The following SLC7A9 variants were observed in gnomAD, a reference collection of about 807,000 sequenced individuals.
SLC7A9 encodes the protein B(0,+)-type amino acid transporter 1.
A neutral mutation model predicts 54.1 loss-of-function variants in SLC7A9; 38 were observed. The observed-to-expected ratio is 0.70, with a 90% CI of 0.54 to 0.92. SLC7A9 has a LOEUF of 0.92. SLC7A9 is among the 40% of genes least tolerant of loss of function. The pLI is 0.00. For synonymous variants in SLC7A9, 264 were observed against 258.9 expected, an observed-to-expected ratio of 1.02 and a Z score of -0.19; for missense variants, 537 against 636.1, an observed-to-expected ratio of 0.84 and a Z score of 1.68.
chr19:32,865,714 T>TA, intron 2 of SLC7A9, among the ~76,000 whole-genome samples: 1 of 152,120 alleles, frequency 6.6e-6, no homozygotes, highest in Non-Finnish European at 1.5e-5. Context: ...TTTATGCCTG[T>TA]AATCCCAGCA....
At chr19:32,866,601 GAC>G (rs1412614275) in intron 2 of SLC7A9, among the ~76,000 whole-genome samples, 2 of 152,186 alleles carry the variant, frequency 1.3e-5, no homozygotes, top group Non-Finnish European at 2.9e-5. Context: ...CAGCTCAGAA[GAC>G]ACATCTTGGG....
At chr19:32,838,242 C>T (rs980978107) in intron 11 of SLC7A9, among the ~76,000 whole-genome samples, 10 of 151,998 alleles carry the variant, frequency 6.6e-5, no homozygotes, top group African/African-American at 2.4e-4. Flanking sequence ...TTTTGTTTCC[C>T]TCCTTTGTTT....
chr19:32,832,748 C>A, intron 12 of SLC7A9: 1 of 232,218 alleles, frequency 4.3e-6, no homozygotes, highest in South Asian at 6.4e-5. Context: ...TCCTTCTCTA[C>A]AAAAAGTAAA....
rs141527750 is a variant in SLC7A9 at position 32,867,981 on chromosome 19, C to G, written c.87+467G>C. Among the ~76,000 whole-genome samples the G allele has an allele frequency of 3.7e-3, 523 of 140,856 alleles. 6 individuals are homozygous for G. The highest frequency in any genetic ancestry group is 0.014 in the Middle Eastern group (3 of 210). 92.4% of individuals were successfully genotyped at this position (140,856 alleles called of 152,430 possible). A position where few individuals can be genotyped will look rare whatever the true frequency, so the allele number is the denominator to read the frequency against. Reference sequence around the variant, plus strand: ...ATATGCAGCCGAGTGCAGTGGCACACGCCTGTAATCCCAGCACTTTGGGAG... The same window carrying G: ...ATATGCAGCCGAGTGCAGTGGCACAGGCCTGTAATCCCAGCACTTTGGGAG... On this transcript the variant is annotated intron_variant, in intron 2 of 12. Coordinates refer to ENST00000023064, the MANE Select transcript of SLC7A9 (RefSeq NM_014270.5).
In SLC7A9 at chr19:32,864,085, C is replaced by T. The variant is rs758702412; in HGVS notation, c.478+11G>A. On this transcript the variant is annotated intron_variant, in intron 4 of 12. Transcript: ENST00000023064. ...TCTTTTCTGACCCCTGCCCTGGGCTCAGGTACTCACAGATGGCGGCGGCGG... is the reference window on the plus strand; with the variant it reads ...TCTTTTCTGACCCCTGCCCTGGGCTTAGGTACTCACAGATGGCGGCGGCGG... The T allele has an allele frequency of 5.6e-6, 9 of 1,613,820 alleles. No homozygotes were observed. The highest frequency in any genetic ancestry group is 1.3e-5 in the African/African-American group (1 of 74,934).
chr19:32,869,214 TTC>T lies in SLC7A9; in HGVS notation c.-112+470_-112+471del, dbSNP rs369323407. 1.4e-3 allele frequency among the ~76,000 whole-genome samples: 212 copies of T among 151,982 alleles called. 1 individual carries two copies. Among genetic ancestry groups the T allele is most frequent in the African/African-American group, 3.9e-3 (161 of 41,472 alleles). On this transcript the variant is annotated intron_variant, in intron 1 of 12. Coordinates refer to ENST00000023064, the MANE Select transcript of SLC7A9 (RefSeq NM_014270.5). The stretch of plus-strand genomic sequence containing the variant: ...CTCCAGCCTGGGCCACAGAGCGAGA[TTC>T]TGTTTCAAAAAATATATATATAAAA...
At chr19:32,839,601 C>A (rs1027019177) in intron 11 of SLC7A9, among the ~76,000 whole-genome samples, 6 of 148,632 alleles carry the variant, frequency 4.0e-5, no homozygotes, top group Non-Finnish European at 8.9e-5. Flanking sequence ...GCCTTGAGTT[C>A]TTTCATACTA....
intron 9 of SLC7A9, among the ~76,000 whole-genome samples, chr19:32,844,875 A>AAAAAAAAAAAAAAAAAAC (rs1968238772): frequency 6.7e-6 from 1 of 148,186 alleles, no homozygotes; most frequent in Non-Finnish European, 1.5e-5. Flanking sequence ...AAAAAAAAAA[A>AAAAAAAAAAAAAAAAAAC]AAAAAAAAGC....
At chr19:32,862,255 C>T (rs1338067674) in intron 5 of SLC7A9, 38 bp from the exon 6 acceptor site, 12 of 1,538,620 alleles carry the variant, frequency 7.8e-6, no homozygotes, top group Middle Eastern at 1.7e-4. Context: ...GGGTGTCAAC[C>T]GGGCAGATCT....
chr19:32,866,200 G>A (rs1337681487), intron 2 of SLC7A9, among the ~76,000 whole-genome samples: 2 of 152,160 alleles, frequency 1.3e-5, no homozygotes, highest in Non-Finnish European at 2.9e-5. Context: ...TGAGGACTCT[G>A]CACACACCAG....
chr19:32,850,675 C>CTT (rs1968442030), intron 9 of SLC7A9, among the ~76,000 whole-genome samples: 1 of 150,782 alleles, frequency 6.6e-6, no homozygotes, highest in Admixed American at 6.6e-5. Context: ...TTGGAAAAAA[C>CTT]TAAAGTTCAT....
At chr19:32,848,434 C>T (rs887304646) in intron 9 of SLC7A9, among the ~76,000 whole-genome samples, 3 of 147,818 alleles carry the variant, frequency 2.0e-5, no homozygotes, top group Non-Finnish European at 4.5e-5. Flanking sequence ...TCAAAAGAGA[C>T]AAGGCCATTA....
At chr19:32,853,811 G>A (rs1238701757) in intron 9 of SLC7A9, among the ~76,000 whole-genome samples, 3 of 151,720 alleles carry the variant, frequency 2.0e-5, no homozygotes, top group Non-Finnish European at 4.4e-5. Flanking sequence ...CAGCTACTTG[G>A]GAGGCTGAGG....
Position 32,844,101 on chromosome 19 carries a change from G to A in SLC7A9, c.978-150C>T, listed in dbSNP as rs2145812761. ...GGACCTGAGCTTCAGATGGGGGTCT[G>A]TCTTCGGGAGACGAGTGGGTTTTGG... On this transcript the variant is annotated intron_variant, in intron 9 of 12. Transcript: ENST00000023064. The A allele has an allele frequency of 4.3e-6, 3 of 692,250 alleles. No homozygotes were observed. The East Asian group carries it at 8.2e-5, about 19-fold the overall frequency. 42.9% of individuals were successfully genotyped at this position (692,250 alleles called of 1,614,324 possible).
chr19:32,866,885 G>A (rs946979541), intron 2 of SLC7A9, among the ~76,000 whole-genome samples: 2 of 152,188 alleles, frequency 1.3e-5, no homozygotes, highest in African/African-American at 2.4e-5. Flanking sequence ...AAGCCATCCT[G>A]AGCTCACCTG....
Position 32,864,268 on chromosome 19 carries a change from C to G in SLC7A9, c.306G>C (p.Glu102Asp). The G allele has an allele frequency of 6.2e-7, 1 of 1,614,150 alleles. No homozygotes were observed. Among genetic ancestry groups the G allele is most frequent in the Non-Finnish European group, 8.5e-7 (1 of 1,180,014 alleles). The change falls in exon 4 of 13, where the codon GAG (glutamate) becomes GAC (aspartate). Residue 102 changes from glutamate (E) to aspartate (D), a missense_variant. Coordinates refer to ENST00000023064, the MANE Select transcript of SLC7A9 (RefSeq NM_014270.5). ...KSGGEYPYLM[E>D]AYGPIPAYLF... is the part of the protein sequence containing the mutation. ...GGTAGGCGGGGATGGGCCCGTAGGC[C>G]TCCATCAGGTAGGGATACTCTCCCC...
At chr19:32,852,011 G>A (rs1241169722) in intron 9 of SLC7A9, among the ~76,000 whole-genome samples, 1 of 151,960 alleles carries the variant, frequency 6.6e-6, no homozygotes, top group South Asian at 2.1e-4. Context: ...TCACACTCCG[G>A]GGACTGTTGT....
intron 3 of SLC7A9, 103 bp from the exon 4 acceptor site, chr19:32,864,441 A>C (rs1024796918): frequency 1.3e-6 from 2 of 1,564,448 alleles, no homozygotes; most frequent in Non-Finnish European, 1.7e-6. Flanking sequence ...GGAGGGGCCC[A>C]CCGTGGTCCG....
intron 9 of SLC7A9, among the ~76,000 whole-genome samples, chr19:32,844,857 CAAAAAAAAAAAAAA>C (rs386388892): frequency 2.0e-4 from 6 of 30,314 alleles, no homozygotes; most frequent in African/African-American, 5.4e-4. Flanking sequence ...GAATCCATCT[CAAAAAAAAAAAAAA>C]AAAAAAAAAA....
Sources: gnomAD v4.1 joint callset for allele counts (sites outside exome capture counted in the v4.1 genomes callset) on GRCh38, gnomAD v4.1.1 for gene constraint, MANE v1.5 for transcripts, NCBI Gene and HGNC (gene_info 2026-07-23, HGNC 2026-07-21) for gene names.